Variants in ADAMTS2 observed in about 807,000 individuals in gnomAD.
ADAMTS2 encodes ADAM metallopeptidase with thrombospondin type 1 motif 2.
ADAMTS2 carries 50 observed loss-of-function variants against 123.0 expected under a neutral mutation model. The ratio of observed to expected loss-of-function variants is 0.41; its 90% CI spans 0.32 to 0.51. The LOEUF (loss-of-function observed/expected upper bound fraction) is 0.51. Ranked by LOEUF, ADAMTS2 falls within the 20% of genes least tolerant of loss-of-function variation. ADAMTS2 has a pLI of 0.35. For missense variants in ADAMTS2, 1,494 were observed against 1,705.2 expected, an observed-to-expected ratio of 0.88 and a Z score of 2.18; for synonymous variants, 678 against 695.4, an observed-to-expected ratio of 0.98 and a Z score of 0.39.
chr5:179,207,475 T>TAGCCC, intron 4 of ADAMTS2, 38 bp downstream of exon 4: 1 of 588,618 alleles, frequency 1.7e-6, no homozygotes. Flanking sequence ...TGGTTGACCC[T>TAGCCC]CCCCGCCCCA....
chr5:179,258,634 A>G (rs1026390525), intron 3 of ADAMTS2, among the ~76,000 whole-genome samples: 1 of 152,196 alleles, frequency 6.6e-6, no homozygotes, highest in Non-Finnish European at 1.5e-5. Context: ...CTGGACTCAA[A>G]TATGTGTCCA....
chr5:179,121,342 C>CCGGGCCGGGACGGGCT (rs1762757817), intron 21 of ADAMTS2: 1 of 199,522 alleles, frequency 5.0e-6, no homozygotes, highest in African/African-American at 2.3e-5. Flanking sequence ...GCGAACCCCC[C>CCGGGCCGGGACGGGCT]CGGGCCGGGA....
chr5:179,187,824 T>C (rs532262321), intron 4 of ADAMTS2, among the ~76,000 whole-genome samples: 2 of 152,308 alleles, frequency 1.3e-5, no homozygotes, highest in South Asian at 2.1e-4. Context: ...GCTCTCTTGT[T>C]TGGGGAAACA....
In ADAMTS2 at chr5:179,312,466, G is replaced by A. The variant is rs1342815147; in HGVS notation, c.534+31301C>T. Among the ~76,000 whole-genome samples, 1 of 152,130 alleles carries A rather than the reference G, an allele frequency of 6.6e-6. No homozygotes were observed. The highest frequency in any genetic ancestry group is 1.5e-5 in the Non-Finnish European group (1 of 68,014). On this transcript the variant is annotated intron_variant, in intron 2 of 21. Coordinates refer to ENST00000251582, the MANE Select transcript of ADAMTS2 (RefSeq NM_014244.5). The surrounding 1 kb of genome is among the most constrained non-coding windows in gnomAD (Gnocchi z 4.2). ...GCAACAAGATGCCTTCTTGAACCAG[G>A]GAGCAGACCCTCACCACAACCATAT...
At chr5:179,220,960 C>T (rs530473757) in intron 3 of ADAMTS2, among the ~76,000 whole-genome samples, 3 of 152,280 alleles carry the variant, frequency 2.0e-5, no homozygotes, top group Admixed American at 6.5e-5. Context: ...CCATGAGCCA[C>T]GTGCAGGGAC....
chr5:179,314,930 A>G lies in ADAMTS2; in HGVS notation c.534+28837T>C, dbSNP rs1309372660. ...TACCTAGAAGTAACTCTCTTTCCTG[A>G]CATTAAGCGACTCCCCTCCCAGAGC... On this transcript the variant is annotated intron_variant, in intron 2 of 21. Coordinates refer to ENST00000251582, the MANE Select transcript of ADAMTS2 (RefSeq NM_014244.5). This position sits in a 1 kb window ranked among gnomAD's most constrained non-coding sequence, Gnocchi z 4.5. Among the ~76,000 whole-genome samples the G allele has an allele frequency of 1.3e-5, 2 of 151,972 alleles. No individual in the cohort carries two copies. Among genetic ancestry groups the G allele is most frequent in the Non-Finnish European group, 2.9e-5 (2 of 67,970 alleles).
chr5:179,131,800 A>G (rs1201094665), intron 15 of ADAMTS2, among the ~76,000 whole-genome samples: 1 of 152,196 alleles, frequency 6.6e-6, no homozygotes, highest in Non-Finnish European at 1.5e-5. Context: ...CGAATTGAAA[A>G]TGTAAGTGCA....
rs1260498588 is a variant in ADAMTS2, at chr5:179,140,166, C to T, written c.1630-131G>A. On this transcript the variant is annotated intron_variant, in intron 10 of 21. Coordinates refer to ENST00000251582, the MANE Select transcript of ADAMTS2 (RefSeq NM_014244.5). ...TGGGGCACAGGGGGAGCTCACCCTCCTCGCCCCTAGATGCTCAGAGCCCCC... is the reference window on the plus strand; with the variant it reads ...TGGGGCACAGGGGGAGCTCACCCTCTTCGCCCCTAGATGCTCAGAGCCCCC... The T allele has an allele frequency of 1.4e-5, 19 of 1,356,362 alleles. 1 individual carries two copies. Among genetic ancestry groups the T allele is most frequent in the Non-Finnish European group, 1.9e-5 (18 of 961,192 alleles). The allele number at this position is 1,356,362 out of a possible 1,614,324, so 84.0% of individuals were successfully genotyped here.
intron 2 of ADAMTS2, among the ~76,000 whole-genome samples, chr5:179,342,267 C>T (rs1405155985): frequency 6.6e-6 from 1 of 152,198 alleles, no homozygotes; most frequent in Non-Finnish European, 1.5e-5. Flanking sequence ...ACTCCCACCA[C>T]CTTACCTCAC....
intron 2 of ADAMTS2, among the ~76,000 whole-genome samples, chr5:179,290,328 C>T (rs2113542454): frequency 6.6e-6 from 1 of 152,288 alleles, no homozygotes; most frequent in South Asian, 2.1e-4. Context: ...ACCCTCTCCA[C>T]CACGTTATGA....
chr5:179,284,961 C>T (rs1172521108), intron 2 of ADAMTS2, among the ~76,000 whole-genome samples: 1 of 152,150 alleles, frequency 6.6e-6, no homozygotes, highest in Non-Finnish European at 1.5e-5. Flanking sequence ...GTTTACTTCA[C>T]CTCTGACTGA....
chr5:179,130,533 A>T lies in ADAMTS2; in HGVS notation c.2291-435T>A, dbSNP rs908761006. Among the ~76,000 whole-genome samples the T allele has an allele frequency of 2.6e-5, 4 of 152,120 alleles. No homozygotes were observed. The highest frequency in any genetic ancestry group is 4.4e-5 in the Non-Finnish European group (3 of 68,012). On this transcript the variant is annotated intron_variant, in intron 15 of 21. Coordinates refer to ENST00000251582, the MANE Select transcript of ADAMTS2 (RefSeq NM_014244.5). The surrounding 1 kb of genome is among the most constrained non-coding windows in gnomAD (Gnocchi z 4.3). ...GAGTAGGGCTTCCTGCCATGGGGTGAGTATATGTCTGGCTGAAACAGCAGA... is the reference window on the plus strand; with the variant it reads ...GAGTAGGGCTTCCTGCCATGGGGTGTGTATATGTCTGGCTGAAACAGCAGA...
chr5:179,166,562 C>T (rs1266317932), intron 5 of ADAMTS2, among the ~76,000 whole-genome samples: 1 of 152,042 alleles, frequency 6.6e-6, no homozygotes, highest in Non-Finnish European at 1.5e-5. Context: ...CCTCAGGGAA[C>T]AGCCAGGAGC....
chr5:179,134,981 G>GCCTCTAGCCCCCAGCTCCGA (rs1763036271), intron 13 of ADAMTS2, among the ~76,000 whole-genome samples: 1 of 42,912 alleles, frequency 2.3e-5, no homozygotes, highest in East Asian at 6.9e-4. Context: ...CCCAGCTCCG[G>GCCTCTAGCCCCCAGCTCCGA]GCCTCTAGCC....
intron 2 of ADAMTS2, among the ~76,000 whole-genome samples, chr5:179,322,734 C>T (rs898934987): frequency 2.0e-5 from 3 of 152,230 alleles, no homozygotes; most frequent in Admixed American, 2.0e-4. Context: ...CCAGGCGGGA[C>T]AGAAACCCAA....
chr5:179,156,026 C>T (rs561741797), intron 6 of ADAMTS2, among the ~76,000 whole-genome samples: 12 of 152,244 alleles, frequency 7.9e-5, no homozygotes, highest in African/African-American at 2.9e-4. Flanking sequence ...GATTTTGAGA[C>T]GAGCGTGGAG....
At chr5:179,241,446 C>T (rs760870236) in intron 3 of ADAMTS2, among the ~76,000 whole-genome samples, 20 of 152,212 alleles carry the variant, frequency 1.3e-4, no homozygotes, top group Admixed American at 5.9e-4. Flanking sequence ...TCCAGCAAAA[C>T]GAGGCGAGTT....
intron 3 of ADAMTS2, among the ~76,000 whole-genome samples, chr5:179,270,867 G>A (rs1372284287): frequency 6.6e-6 from 1 of 152,160 alleles, no homozygotes; most frequent in Non-Finnish European, 1.5e-5. Flanking sequence ...CAAGCAAAGG[G>A]GACTTGGCCC....
At chr5:179,140,842 C>A (rs1407727602) in intron 10 of ADAMTS2, among the ~76,000 whole-genome samples, 1 of 122,246 alleles carries the variant, frequency 8.2e-6, no homozygotes, top group Non-Finnish European at 1.7e-5. Context: ...ACTCTGTCCC[C>A]CCAGGTTGGA....
Sources: allele counts gnomAD v4.1 joint callset (sites outside exome capture counted in the v4.1 genomes callset), GRCh38; gene constraint gnomAD v4.1.1; non-coding constraint Gnocchi (gnomAD v3.1); transcripts MANE v1.5; gene names NCBI Gene and HGNC (gene_info 2026-07-23, HGNC 2026-07-21).